GRID2: variants seen among roughly 807,000 people sequenced by gnomAD.
GRID2 encodes glutamate ionotropic receptor delta type subunit 2, also known as glutamate receptor ionotropic, delta-2.
Under a neutral mutation model 114.8 loss-of-function variants are expected in GRID2, and 33 were observed. That is an observed-to-expected ratio of 0.29 (90% CI 0.22 to 0.38). GRID2 has a LOEUF of 0.38. GRID2 is among the 10% of genes least tolerant of loss of function. GRID2 has a pLI of 1.00. For synonymous variants in GRID2, 505 were observed against 449.9 expected (o/e 1.12, Z -1.55); for missense variants, 1,184 against 1,257.7 (o/e 0.94, Z 0.89).
At chr4:92,488,045 T>C (rs1042429893) in intron 1 of GRID2, among the ~76,000 whole-genome samples, 2 of 152,170 alleles carry the variant, frequency 1.3e-5, no homozygotes, top group South Asian at 2.1e-4. Flanking sequence ...GTGCCTCAAC[T>C]GTGTCGATTC....
intron 1 of GRID2, among the ~76,000 whole-genome samples, chr4:92,333,212 T>G (rs1726986121): frequency 6.6e-6 from 1 of 152,224 alleles, no homozygotes; most frequent in Non-Finnish European, 1.5e-5. Flanking sequence ...CACCATGTGT[T>G]GCTTGTGTGT....
intron 2 of GRID2, among the ~76,000 whole-genome samples, chr4:93,007,469 T>A (rs1469180853): frequency 2.0e-5 from 3 of 152,266 alleles, no homozygotes; most frequent in East Asian, 1.9e-4. Flanking sequence ...AAGCCTTTTT[T>A]AAAAAATGCA....
chr4:93,134,172 T>G (rs1363074869), intron 4 of GRID2, among the ~76,000 whole-genome samples: 1 of 152,134 alleles, frequency 6.6e-6, no homozygotes, highest in Non-Finnish European at 1.5e-5. Context: ...AATGCCCCTG[T>G]TCTGATTTAG....
chr4:92,841,338 TAAC>T (rs897119467), intron 2 of GRID2, among the ~76,000 whole-genome samples: 1 of 152,056 alleles, frequency 6.6e-6, no homozygotes, highest in Non-Finnish European at 1.5e-5. Flanking sequence ...TTTCCAGAAA[TAAC>T]AAGATAGTTT....
At chr4:92,676,656 A>G (rs891197044) in intron 2 of GRID2, among the ~76,000 whole-genome samples, 1 of 151,940 alleles carries the variant, frequency 6.6e-6, no homozygotes, top group South Asian at 2.1e-4. Flanking sequence ...TTCCCTACAT[A>G]TTTTTCACAA....
At chr4:93,016,075 G>GTC (rs1322318791) in intron 2 of GRID2, among the ~76,000 whole-genome samples, 5 of 151,376 alleles carry the variant, frequency 3.3e-5, no homozygotes, top group Non-Finnish European at 7.4e-5. Flanking sequence ...GTGTGTGTGT[G>GTC]TGTGTGTGTT....
intron 1 of GRID2, among the ~76,000 whole-genome samples, chr4:92,398,240 C>T (rs556518971): frequency 1.3e-5 from 2 of 152,192 alleles, no homozygotes; most frequent in East Asian, 3.9e-4. Flanking sequence ...AGGAATAAAA[C>T]AAGATGCCAA....
intron 8 of GRID2, among the ~76,000 whole-genome samples, chr4:93,341,305 G>T (rs1012303104): frequency 6.7e-6 from 1 of 149,466 alleles, no homozygotes; most frequent in East Asian, 2.0e-4. Flanking sequence ...ATTGTAATTT[G>T]TAGCCTCTTA....
chr4:93,362,081 CT>C (rs1226827757), intron 8 of GRID2, among the ~76,000 whole-genome samples: 1 of 152,040 alleles, frequency 6.6e-6, no homozygotes, highest in Non-Finnish European at 1.5e-5. Flanking sequence ...ATTTACACTG[CT>C]GTTGCTTGTT....
At chr4:92,687,171 G>T (rs1453340390) in intron 2 of GRID2, among the ~76,000 whole-genome samples, 1 of 143,652 alleles carries the variant, frequency 7.0e-6, no homozygotes. Context: ...CACAAGATAC[G>T]GATTTTTTTG....
chr4:93,085,998 T>G (rs1730300903), intron 3 of GRID2, among the ~76,000 whole-genome samples: 2 of 152,186 alleles, frequency 1.3e-5, no homozygotes, highest in African/African-American at 4.8e-5. Context: ...TTACATTTAT[T>G]TTTTCTGAAT....
intron 8 of GRID2, among the ~76,000 whole-genome samples, chr4:93,386,010 T>C (rs921314555): frequency 6.6e-6 from 1 of 152,084 alleles, no homozygotes; most frequent in African/African-American, 2.4e-5. Context: ...AGAAACCAAG[T>C]TTGAATAGTT....
chr4:93,629,099 A>G (rs781458465), intron 14 of GRID2, among the ~76,000 whole-genome samples: 3 of 152,194 alleles, frequency 2.0e-5, no homozygotes, highest in Admixed American at 2.0e-4. Flanking sequence ...AAAATAATGC[A>G]TGAACGTAAT....
chr4:92,546,166 T>C (rs1446664120), intron 1 of GRID2, among the ~76,000 whole-genome samples: 1 of 152,186 alleles, frequency 6.6e-6, no homozygotes, highest in Non-Finnish European at 1.5e-5. Context: ...TGTGACTGTA[T>C]ATTTAGAGAT....
chr4:92,653,591 T>C (rs745766114), intron 2 of GRID2, among the ~76,000 whole-genome samples: 1 of 152,036 alleles, frequency 6.6e-6, no homozygotes, highest in Non-Finnish European at 1.5e-5. Flanking sequence ...CTTACTTTTC[T>C]ATCAAATATA....
intron 2 of GRID2, among the ~76,000 whole-genome samples, chr4:92,936,372 C>T (rs547228809): frequency 6.8e-6 from 1 of 146,510 alleles, no homozygotes; most frequent in South Asian, 2.3e-4. Context: ...ATATAAATCA[C>T]GCCATTAATT....
chr4:93,594,405 G>T (rs1312245341), intron 13 of GRID2, among the ~76,000 whole-genome samples: 1 of 152,202 alleles, frequency 6.6e-6, no homozygotes, highest in Non-Finnish European at 1.5e-5. Flanking sequence ...GAGGCAGTCC[G>T]CCCATTCTCA....
At chr4:92,564,248 G>A (rs1257703605) in intron 1 of GRID2, among the ~76,000 whole-genome samples, 3 of 151,854 alleles carry the variant, frequency 2.0e-5, no homozygotes. Context: ...TTTAAATAAG[G>A]CTAACTTATT....
intron 3 of GRID2, among the ~76,000 whole-genome samples, chr4:93,096,587 CAAAT>C (rs1206973855): frequency 2.0e-5 from 3 of 151,982 alleles, no homozygotes; most frequent in African/African-American, 7.2e-5. Flanking sequence ...ATATAAATGG[CAAAT>C]AAACTGTGCA....
Sources: allele counts gnomAD v4.1 joint callset (sites outside exome capture counted in the v4.1 genomes callset), GRCh38; gene constraint gnomAD v4.1.1; transcripts MANE v1.5; gene names NCBI Gene and HGNC (gene_info 2026-07-23, HGNC 2026-07-21).